The following PSD3 variants were observed in gnomAD, a reference collection of about 807,000 sequenced individuals.
PSD3 encodes the protein pleckstrin and Sec7 domain containing 3.
A neutral mutation model predicts 105.5 loss-of-function variants in PSD3; 49 were observed. That is an observed-to-expected ratio of 0.46 (90% CI 0.37 to 0.59). PSD3 has a LOEUF of 0.59. Among genes scored for constraint, PSD3 ranks in the 20% least tolerant of loss-of-function variants. PSD3 has a pLI of 0.00. For missense variants in PSD3, 1,561 were observed against 1,263.8 expected (o/e 1.24, Z -3.57); for synonymous variants, 557 against 457.8 (o/e 1.22, Z -2.77).
chr8:18,533,577 C>A lies in PSD3; in HGVS notation c.*2166G>T, dbSNP rs1162380806. ...GTATATTAAATAAGTAAAATACATA[C>A]AGACATTCTATATACATAGATATAG... is the stretch of plus-strand genomic sequence containing the variant. On this transcript the variant is annotated 3_prime_UTR_variant, in exon 16 of 16. Coordinates refer to ENST00000327040, the MANE Select transcript of PSD3 (RefSeq NM_015310.4). 5.3e-5 allele frequency: 8 copies of A among 152,152 alleles called. No homozygotes were observed. 9.4% of individuals were successfully genotyped at this position (152,152 alleles called of 1,614,324 possible). A position where few individuals can be genotyped will look rare whatever the true frequency, so the allele number is the denominator to read the frequency against.
intron 9 of PSD3, among the ~76,000 whole-genome samples, chr8:18,761,398 G>C (rs1342920653): frequency 2.6e-5 from 4 of 152,090 alleles, no homozygotes; most frequent in African/African-American, 7.2e-5. Flanking sequence ...TTTAGGCTAA[G>C]TAAAATAATA....
chr8:18,692,891 T>C (rs1002114387), intron 9 of PSD3, among the ~76,000 whole-genome samples: 1 of 152,154 alleles, frequency 6.6e-6, no homozygotes, highest in African/African-American at 2.4e-5. Flanking sequence ...TGGGGAACAA[T>C]TAAAATTCAA....
At chr8:18,822,335 C>T (rs1357961970) in intron 4 of PSD3, among the ~76,000 whole-genome samples, 1 of 152,154 alleles carries the variant, frequency 6.6e-6, no homozygotes, top group Non-Finnish European at 1.5e-5. Context: ...CTCCAAAGGA[C>T]ATCATTCAGG....
chr8:18,657,011 A>G (rs1808948130), intron 9 of PSD3, among the ~76,000 whole-genome samples: 1 of 152,244 alleles, frequency 6.6e-6, no homozygotes, highest in Non-Finnish European at 1.5e-5. Flanking sequence ...ATGATGTTGG[A>G]ACATTTTTCC....
chr8:18,838,994 TATC>T (rs1814389766), intron 4 of PSD3, among the ~76,000 whole-genome samples: 2 of 151,904 alleles, frequency 1.3e-5, no homozygotes, highest in South Asian at 4.2e-4. Context: ...GGAAAAGGCT[TATC>T]ATACAAATGG....
intron 9 of PSD3, among the ~76,000 whole-genome samples, chr8:18,672,592 G>A (rs145250055): frequency 2.0e-5 from 3 of 152,218 alleles, no homozygotes; most frequent in South Asian, 2.1e-4. Context: ...CCAGTTTTTC[G>A]TTTAGCTAAA....
chr8:18,867,390 C>A (rs529183880), intron 4 of PSD3, among the ~76,000 whole-genome samples: 1 of 152,196 alleles, frequency 6.6e-6, no homozygotes. Context: ...ATCATCGGAG[C>A]TGATAACCTC....
chr8:18,871,549 C>T (rs1246314401), intron 3 of PSD3, 77 bp downstream of exon 3: 1 of 1,490,560 alleles, frequency 6.7e-7, no homozygotes, highest in East Asian at 2.3e-5. Flanking sequence ...ATTGAGTTCT[C>T]ATATCAAGTA....
chr8:18,888,615 C>T lies in PSD3; in HGVS notation c.131-15882G>A, dbSNP rs537764204. On this transcript the variant is annotated intron_variant, in intron 2 of 15. Coordinates refer to ENST00000327040, the MANE Select transcript of PSD3 (RefSeq NM_015310.4). ...AAGGTTTTATTACTGATACTATAAT[C>T]ACTATGACTTTTAGTAGAATTACAT... 8.4e-4 allele frequency among the ~76,000 whole-genome samples: 128 copies of T among 152,288 alleles called. 1 individual carries two copies. The highest frequency in any genetic ancestry group is 1.2e-3 in the Non-Finnish European group (82 of 68,012).
intron 15 of PSD3, 147 bp downstream of exon 15, chr8:18,556,062 C>A: frequency 1.2e-6 from 1 of 846,430 alleles, no homozygotes; most frequent in Non-Finnish European, 1.8e-6. Context: ...CAAGAGGGGC[C>A]ACCATGACCT....
intron 4 of PSD3, among the ~76,000 whole-genome samples, chr8:18,830,026 G>A (rs1197818089): frequency 2.0e-5 from 3 of 151,898 alleles, no homozygotes; most frequent in South Asian, 2.1e-4. Context: ...GGAGCGCAGC[G>A]GTACAATCTC....
chr8:18,822,558 G>C (rs1452463842), intron 4 of PSD3, among the ~76,000 whole-genome samples: 2 of 152,202 alleles, frequency 1.3e-5, no homozygotes, highest in African/African-American at 4.8e-5. Flanking sequence ...GTGATGTCCT[G>C]TGTCAAACTG....
chr8:18,541,416 G>T (rs138504884), intron 15 of PSD3, among the ~76,000 whole-genome samples: 110 of 152,244 alleles, frequency 7.2e-4, no homozygotes, highest in Admixed American at 2.4e-3. Context: ...CACGTTGATG[G>T]CAGATGCCTG....
intron 1 of PSD3, among the ~76,000 whole-genome samples, chr8:19,009,644 C>T (rs146517899): frequency 0.093 from 14,143 of 152,266 alleles, 709 homozygotes; most frequent in African/African-American, 0.12. Context: ...AATTCCAGCA[C>T]TTTGGGAGGC....
chr8:19,006,035 G>C (rs1041569883), intron 1 of PSD3, among the ~76,000 whole-genome samples: 1 of 151,752 alleles, frequency 6.6e-6, no homozygotes, highest in East Asian at 1.9e-4. Context: ...GGCCAGGTGC[G>C]GTGGCTCCCA....
intron 1 of PSD3, among the ~76,000 whole-genome samples, chr8:19,025,847 G>A (rs563950733): frequency 6.6e-6 from 1 of 152,176 alleles, no homozygotes; most frequent in Non-Finnish European, 1.5e-5. Context: ...AGTGTGAATA[G>A]AGAAACTGTT....
intron 11 of PSD3, among the ~76,000 whole-genome samples, chr8:18,605,462 G>T (rs1294981704): frequency 6.6e-6 from 1 of 151,988 alleles, no homozygotes; most frequent in African/African-American, 2.4e-5. Flanking sequence ...TAACTAACTT[G>T]TTTTTGATTT....
At chr8:18,827,014 G>T (rs189289615) in intron 4 of PSD3, among the ~76,000 whole-genome samples, 34 of 151,946 alleles carry the variant, frequency 2.2e-4, no homozygotes, top group Admixed American at 1.8e-3. Flanking sequence ...ACATTGTTTC[G>T]TACCAATATT....
chr8:18,576,181 A>C (rs1045015135), intron 12 of PSD3, among the ~76,000 whole-genome samples: 1 of 152,172 alleles, frequency 6.6e-6, no homozygotes, highest in Non-Finnish European at 1.5e-5. Flanking sequence ...AAAACCAAGC[A>C]GTTCAAATGT....
Sources: gnomAD v4.1 joint callset for allele counts (sites outside exome capture counted in the v4.1 genomes callset) on GRCh38, gnomAD v4.1.1 for gene constraint, MANE v1.5 for transcripts, NCBI Gene and HGNC (gene_info 2026-07-23, HGNC 2026-07-21) for gene names.